Variants in ST3GAL1 observed in about 807,000 individuals in gnomAD.
The protein encoded by ST3GAL1 is ST3 beta-galactoside alpha-2,3-sialyltransferase 1, also known as CMP-N-acetylneuraminate-beta-galactosamide-alpha-2,3-sialyltransferase 1.
In ST3GAL1, 16 loss-of-function variants were observed where a neutral mutation model predicts 34.1. That is an observed-to-expected ratio of 0.47 (90% confidence interval 0.32 to 0.71). The LOEUF is 0.71. Among genes scored for constraint, ST3GAL1 ranks in the 30% least tolerant of loss-of-function variants. ST3GAL1 has a pLI of 0.04. For missense variants in ST3GAL1, 353 were observed against 447.4 expected, an observed-to-expected ratio of 0.79 and a Z score of 1.90; for synonymous variants, 191 against 184.7, an observed-to-expected ratio of 1.03 and a Z score of -0.28.
intron 3 of ST3GAL1, among the ~76,000 whole-genome samples, chr8:133,492,475 C>T (rs1391955867): frequency 6.6e-6 from 1 of 152,164 alleles, no homozygotes; most frequent in African/African-American, 2.4e-5. Flanking sequence ...AATCCTAGCA[C>T]TTTGGGAGGC....
At chr8:133,510,316 G>A (rs1202321926) in intron 2 of ST3GAL1, among the ~76,000 whole-genome samples, 3 of 152,160 alleles carry the variant, frequency 2.0e-5, no homozygotes, top group East Asian at 1.9e-4. Flanking sequence ...TATCAGATAC[G>A]AGGCCAATAA....
intron 2 of ST3GAL1, among the ~76,000 whole-genome samples, chr8:133,500,661 G>T (rs1368196086): frequency 6.6e-6 from 1 of 152,092 alleles, no homozygotes; most frequent in African/African-American, 2.4e-5. Context: ...TTCCTCATCT[G>T]TAAAGAAAAA....
intron 3 of ST3GAL1, among the ~76,000 whole-genome samples, chr8:133,495,939 T>C (rs1194682059): frequency 6.6e-6 from 1 of 152,200 alleles, no homozygotes; most frequent in Admixed American, 6.5e-5. Context: ...ACACGCTGTG[T>C]CTTATTTAGT....
chr8:133,486,808 G>A (rs756814268), intron 3 of ST3GAL1, among the ~76,000 whole-genome samples: 8 of 152,192 alleles, frequency 5.3e-5, no homozygotes, highest in African/African-American at 7.2e-5. Context: ...GGAGCACAGC[G>A]TGACTTGGGC....
At chr8:133,486,059 T>A (rs1040527749) in intron 3 of ST3GAL1, among the ~76,000 whole-genome samples, 2 of 152,222 alleles carry the variant, frequency 1.3e-5, no homozygotes, top group African/African-American at 4.8e-5. Context: ...AAGCTCCCGA[T>A]GAAGGTACTG....
chr8:133,551,536 GA>G, intron 1 of ST3GAL1, among the ~76,000 whole-genome samples: 3 of 116,064 alleles, frequency 2.6e-5, no homozygotes, highest in African/African-American at 1.1e-4. Flanking sequence ...GAGAAAGAAA[GA>G]GAAGGAAAGA....
chr8:133,470,194 T>TG (rs1325706778), intron 5 of ST3GAL1, among the ~76,000 whole-genome samples: 2 of 152,200 alleles, frequency 1.3e-5, no homozygotes, highest in East Asian at 3.9e-4. Context: ...CCAAGGCGGG[T>TG]GGGTCACCTG....
chr8:133,477,495 A>C (rs1816222190), intron 3 of ST3GAL1, among the ~76,000 whole-genome samples: 1 of 152,010 alleles, frequency 6.6e-6, no homozygotes, highest in African/African-American at 2.4e-5. Context: ...TCCGAGTCCA[A>C]ATCCACAGTC....
intron 2 of ST3GAL1, among the ~76,000 whole-genome samples, chr8:133,524,077 G>A (rs1817890667): frequency 6.6e-6 from 1 of 152,134 alleles, no homozygotes; most frequent in Admixed American, 6.5e-5. Flanking sequence ...CCATTTCATG[G>A]TTTTGTTACA....
intron 8 of ST3GAL1, among the ~76,000 whole-genome samples, chr8:133,462,542 C>T (rs1366677793): frequency 2.6e-5 from 4 of 152,156 alleles, no homozygotes; most frequent in Non-Finnish European, 4.4e-5. Flanking sequence ...GGGAGGAGGC[C>T]GATATCAGGC....
chr8:133,561,646 TG>T (rs1214758985), intron 1 of ST3GAL1, among the ~76,000 whole-genome samples: 1 of 152,146 alleles, frequency 6.6e-6, no homozygotes, highest in Non-Finnish European at 1.5e-5. Flanking sequence ...AGATTTATGT[TG>T]TTTTTTTTGC....
At position 133,456,071 on chromosome 8, in the gene ST3GAL1, T is replaced by G. The variant is rs1815287210; in HGVS notation, c.*3693A>C. The G allele has an allele frequency of 6.6e-6, 1 of 152,134 alleles. No individual in the cohort carries two copies. 9.4% of individuals were successfully genotyped at this position (152,134 alleles called of 1,614,324 possible). ...ATTCTATTTTCTCATATCCAGCTTT[T>G]CTCTCTAAGCCTAACCAAATGCTTT... On this transcript the variant is annotated 3_prime_UTR_variant, in exon 10 of 10. Coordinates refer to ENST00000522652, the MANE Select transcript of ST3GAL1 (RefSeq NM_173344.3).
chr8:133,558,170 G>A (rs909109221), intron 1 of ST3GAL1, among the ~76,000 whole-genome samples: 1 of 152,202 alleles, frequency 6.6e-6, no homozygotes. Flanking sequence ...ACTGTGTGGG[G>A]CACAGAGCTC....
rs768004142 is a variant in ST3GAL1, at chr8:133,461,906, G to A, written c.818C>T (p.Ser273Leu). The change falls in exon 9 of 10, where the codon TCG becomes TTG. Residue 273 changes from serine (S) to leucine (L), a missense_variant. By Grantham distance (145) the Ser-to-Leu change is moderately radical. Coordinates refer to ENST00000522652, the MANE Select transcript of ST3GAL1 (RefSeq NM_173344.3). This position sits in a 1 kb window ranked among gnomAD's most constrained non-coding sequence, Gnocchi z 4.7. ...HGRYPSTGIL[S>L]VIFSMHVCDE... ...GCAGACATGCATTGAGAAGATGACCGAGAGGATGCCGGTAGATGGGTATCG... is the reference window on the plus strand; with the variant it reads ...GCAGACATGCATTGAGAAGATGACCAAGAGGATGCCGGTAGATGGGTATCG... 4.3e-6 allele frequency: 7 copies of A among 1,614,070 alleles called. No homozygotes were observed. The highest frequency in any genetic ancestry group is 1.7e-5 in the Admixed American group (1 of 60,014).
chr8:133,546,583 T>C (rs1434052049), intron 1 of ST3GAL1, among the ~76,000 whole-genome samples: 5 of 151,614 alleles, frequency 3.3e-5, no homozygotes, highest in African/African-American at 1.2e-4. Context: ...ACTAATGAGG[T>C]GCTGTTTAGT....
In ST3GAL1 at chr8:133,458,318, A is replaced by G. The variant is rs766192134; in HGVS notation, c.*1446T>C. ...TCAGTTGAATAAAAAAAAGAAATCA[A>G]TAAATAATCAGGAAGGCTAATGAGG... On this transcript the variant is annotated 3_prime_UTR_variant, in exon 10 of 10. Coordinates refer to ENST00000522652, the MANE Select transcript of ST3GAL1 (RefSeq NM_173344.3). The G allele has an allele frequency of 3.3e-5, 5 of 152,218 alleles. No individual in the cohort carries two copies. Among genetic ancestry groups the G allele is most frequent in the African/African-American group, 4.8e-5 (2 of 41,456 alleles). 9.4% of individuals were successfully genotyped at this position (152,218 alleles called of 1,614,324 possible). A position where few individuals can be genotyped will look rare whatever the true frequency, so the allele number is the denominator to read the frequency against.
chr8:133,496,442 A>G (rs1285620481), intron 3 of ST3GAL1, among the ~76,000 whole-genome samples: 5 of 152,186 alleles, frequency 3.3e-5, no homozygotes, highest in Non-Finnish European at 7.3e-5. Context: ...CCAGAGGTCT[A>G]CAAAATCAAA....
chr8:133,527,297 G>A (rs1818005920), intron 2 of ST3GAL1, among the ~76,000 whole-genome samples: 1 of 152,124 alleles, frequency 6.6e-6, no homozygotes. Context: ...TTCAAATTCT[G>A]CCTCTACTAA....
chr8:133,567,441 C>A (rs1189322882), intron 1 of ST3GAL1: 2 of 152,176 alleles, frequency 1.3e-5, no homozygotes, highest in Non-Finnish European at 2.9e-5. Flanking sequence ...AGTGACTTCC[C>A]CTCTGAGCCT....
Sources: gnomAD v4.1 joint callset for allele counts (sites outside exome capture counted in the v4.1 genomes callset) on GRCh38, gnomAD v4.1.1 for gene constraint, Gnocchi (gnomAD v3.1) non-coding constraint, MANE v1.5 for transcripts, NCBI Gene and HGNC (gene_info 2026-07-23, HGNC 2026-07-21) for gene names.